The following DNAI4 variants were observed in gnomAD, a reference collection of about 807,000 sequenced individuals.
DNAI4 encodes WD repeat domain 78.
A neutral mutation model predicts 105.8 loss-of-function variants in DNAI4; 85 were observed. That is an observed-to-expected ratio of 0.80 (90% CI 0.67 to 0.96). The LOEUF (loss-of-function observed/expected upper bound fraction) is 0.96, where lower values mean the gene tolerates loss of function less well. Ranked by LOEUF, DNAI4 falls within the 40% of genes least tolerant of loss-of-function variation. DNAI4 has a pLI of 0.00. For missense variants in DNAI4, 1,014 were observed against 1,005.6 expected, an observed-to-expected ratio of 1.01 and a Z score of -0.11; for synonymous variants, 352 against 331.5, an observed-to-expected ratio of 1.06 and a Z score of -0.67.
intron 13 of DNAI4, among the ~76,000 whole-genome samples, chr1:66,832,059 C>G (rs1051632283): frequency 6.6e-6 from 1 of 152,124 alleles, no homozygotes; most frequent in African/African-American, 2.4e-5. Flanking sequence ...CCCACCCTCA[C>G]CTCAATTCCT....
At chr1:66,836,256 GAAAGAAAGAAAGAAAGAAAGAA>G (rs1557908755) in intron 10 of DNAI4, among the ~76,000 whole-genome samples, 20 of 14,144 alleles carry the variant, frequency 1.4e-3, no homozygotes, top group African/African-American at 3.0e-3. Context: ...GAGAGAGAGA[GAAAGAAAGAAAGAAAGAAAGAA>G]AGAAAGAAAG....
intron 7 of DNAI4, among the ~76,000 whole-genome samples, chr1:66,852,466 T>C (rs937227775): frequency 6.6e-6 from 1 of 152,034 alleles, no homozygotes; most frequent in East Asian, 1.9e-4. Context: ...TAAAAATCCT[T>C]AGCAAAATAT....
At chr1:66,915,688 G>C (rs1207740016) in intron 1 of DNAI4, among the ~76,000 whole-genome samples, 1 of 152,190 alleles carries the variant, frequency 6.6e-6, no homozygotes, top group South Asian at 2.1e-4. Context: ...AACAAGTTTT[G>C]TCTAATTCAA....
At chr1:66,879,313 A>T (rs1370546306) in intron 4 of DNAI4, among the ~76,000 whole-genome samples, 1 of 152,172 alleles carries the variant, frequency 6.6e-6, no homozygotes, top group African/African-American at 2.4e-5. Context: ...GGTTTATTTG[A>T]CTTAGCAATA....
chr1:66,842,264 G>A lies in DNAI4; in HGVS notation c.1292-1593C>T, dbSNP rs564739359. ...GTTGCTTCCAAGTTGGGGCAATTAT[G>A]AGTAAAACTGCTATAAATACCCATG... is the stretch of plus-strand genomic sequence containing the variant. On this transcript the variant is annotated intron_variant, in intron 8 of 16. Transcript: ENST00000371026. Among the ~76,000 whole-genome samples, 4 of 152,318 alleles carry A rather than the reference G, an allele frequency of 2.6e-5. No homozygotes were observed. In the East Asian group the frequency reaches 7.7e-4, roughly 29 times the overall value.
At chr1:66,835,153 A>C (rs1030700654) in intron 11 of DNAI4, among the ~76,000 whole-genome samples, 5 of 152,116 alleles carry the variant, frequency 3.3e-5, no homozygotes, top group African/African-American at 1.2e-4. Context: ...GGTATGTAAG[A>C]TTCAATCCTT....
chr1:66,825,417 A>C (rs1361747771), intron 15 of DNAI4, among the ~76,000 whole-genome samples: 1 of 151,406 alleles, frequency 6.6e-6, no homozygotes, highest in East Asian at 1.9e-4. Flanking sequence ...TCCTGACCTC[A>C]TGATCCACCC....
In DNAI4 at chr1:66,813,989, T is replaced by C. The variant is rs954649177; in HGVS notation, c.*141A>G. ...ATCAAATATCTCTGAAATAAAAGTT[T>C]ATTAAATTTAAATTAAGTGGAAGTT... is the stretch of plus-strand genomic sequence containing the variant. On this transcript the variant is annotated 3_prime_UTR_variant, in exon 17 of 17. Coordinates refer to ENST00000371026, the MANE Select transcript of DNAI4 (RefSeq NM_024763.5). 3 of 572,092 alleles carry C rather than the reference T, an allele frequency of 5.2e-6. No individual in the cohort carries two copies. The Admixed American group carries it at 1.1e-4, about 21-fold the overall frequency. 35.4% of individuals were successfully genotyped at this position (572,092 alleles called of 1,614,324 possible).
rs920731236 is a variant in DNAI4 at position 66,834,096 on chromosome 1, G to T, written c.1786C>A (p.Gln596Lys). ...CCATCTCCTGTTGTTCCTCGATCTT[G>T]TTCTATCCACTGTAGTTGCCATACA... ...GPVWQLQWIE[Q>K]DRGTTGDGKR... The change falls in exon 12 of 17, where the codon CAA becomes AAA. Residue 596 changes from glutamine to lysine, a missense_variant. Physicochemically the swap from Gln to Lys is moderately conservative, Grantham distance 53. Transcript: ENST00000371026. The T allele has an allele frequency of 3.7e-6, 6 of 1,611,784 alleles. No individual in the cohort carries two copies. The highest frequency in any genetic ancestry group is 5.1e-6 in the Non-Finnish European group (6 of 1,179,206).
intron 6 of DNAI4, among the ~76,000 whole-genome samples, chr1:66,864,551 C>T (rs531658009): frequency 7.9e-5 from 12 of 152,260 alleles, no homozygotes; most frequent in Non-Finnish European, 1.5e-4. Flanking sequence ...AAAGAAAAAA[C>T]ATTTAAAAGA....
chr1:66,892,997 G>GAAAGAAAGAAAGAA (rs1434711897), intron 3 of DNAI4, among the ~76,000 whole-genome samples: 2 of 111,554 alleles, frequency 1.8e-5, no homozygotes, highest in South Asian at 2.5e-4. Context: ...AAGAAAGAAA[G>GAAAGAAAGAAAGAA]AGAGAAAGAG....
At chr1:66,848,911 G>A (rs1338555130) in intron 7 of DNAI4, among the ~76,000 whole-genome samples, 1 of 152,180 alleles carries the variant, frequency 6.6e-6, no homozygotes, top group Non-Finnish European at 1.5e-5. Flanking sequence ...GGCCTAGAGG[G>A]AGCCTAGTCT....
At chr1:66,893,057 GAGAGAGAGAA>G (rs1365113607) in intron 3 of DNAI4, among the ~76,000 whole-genome samples, 162 bp downstream of exon 3, 2 of 91,340 alleles carry the variant, frequency 2.2e-5, no homozygotes, top group Non-Finnish European at 4.6e-5. Flanking sequence ...GAAAGAAAGA[GAGAGAGAGAA>G]AGAAAGAAAG....
At chr1:66,885,318 A>C (rs75953824) in intron 4 of DNAI4, among the ~76,000 whole-genome samples, 1 of 152,164 alleles carries the variant, frequency 6.6e-6, no homozygotes, top group East Asian at 1.9e-4. Context: ...GACCCATGTC[A>C]TTTTTCTTTT....
intron 1 of DNAI4, among the ~76,000 whole-genome samples, chr1:66,918,830 A>G (rs1466024136): frequency 1.3e-5 from 2 of 152,186 alleles, no homozygotes; most frequent in African/African-American, 4.8e-5. Context: ...GTAAAAGGAA[A>G]ATATTTTGGG....
chr1:66,923,197 A>G (rs779950735), intron 1 of DNAI4, among the ~76,000 whole-genome samples: 2 of 152,246 alleles, frequency 1.3e-5, no homozygotes, highest in Non-Finnish European at 2.9e-5. Flanking sequence ...GTAGCCTAGA[A>G]GCAACAAATG....
At chr1:66,885,745 T>C (rs750675400) in intron 4 of DNAI4, among the ~76,000 whole-genome samples, 2 of 152,200 alleles carry the variant, frequency 1.3e-5, no homozygotes, top group African/African-American at 4.8e-5. Context: ...CTTATTCTTC[T>C]ATAGGTAAGA....
At position 66,842,536 on chromosome 1, in the gene DNAI4, G is replaced by A. The variant is rs375958420; in HGVS notation, c.1292-1865C>T. ...CTAATAAGTAGCTGGGACTACAGGC[G>A]CCTGCCACCATACTCGGCTAAATTT... On this transcript the variant is annotated intron_variant, in intron 8 of 16. Coordinates refer to ENST00000371026, the MANE Select transcript of DNAI4 (RefSeq NM_024763.5). Among the ~76,000 whole-genome samples, 35 of 152,072 alleles carry A rather than the reference G, an allele frequency of 2.3e-4. No homozygotes were observed. In the South Asian group the frequency reaches 5.0e-3, roughly 22 times the overall value.
At chr1:66,882,582 C>A (rs926499362) in intron 4 of DNAI4, among the ~76,000 whole-genome samples, 1 of 151,726 alleles carries the variant, frequency 6.6e-6, no homozygotes, top group African/African-American at 2.4e-5. Flanking sequence ...AAAGAGAATT[C>A]TTTCTTCATT....
Sources: gnomAD v4.1 joint callset for allele counts (sites outside exome capture counted in the v4.1 genomes callset) on GRCh38, gnomAD v4.1.1 for gene constraint, MANE v1.5 for transcripts, NCBI Gene and HGNC (gene_info 2026-07-23, HGNC 2026-07-21) for gene names.